Variants in PPFIA2 observed in about 807,000 individuals in gnomAD.
The protein encoded by PPFIA2 is liprin-alpha-2.
Under a neutral mutation model 175.5 loss-of-function variants are expected in PPFIA2, and 46 were observed. The ratio of observed to expected loss-of-function variants is 0.26; its 90% confidence interval spans 0.21 to 0.34. PPFIA2 has a LOEUF of 0.34. Among genes scored for constraint, PPFIA2 ranks in the 10% least tolerant of loss-of-function variants. PPFIA2 has a pLI of 1.00. For missense variants in PPFIA2, 1,179 were observed against 1,506.1 expected, an observed-to-expected ratio of 0.78 and a Z score of 3.60; for synonymous variants, 568 against 511.4, an observed-to-expected ratio of 1.11 and a Z score of -1.49.
chr12:81,288,222 G>A (rs771249606), intron 24 of PPFIA2, among the ~76,000 whole-genome samples: 4 of 151,752 alleles, frequency 2.6e-5, no homozygotes, highest in Non-Finnish European at 5.9e-5. Flanking sequence ...ACACTAAAAA[G>A]TTTACATTAT....
rs913870499 is a variant in PPFIA2 at position 81,615,237 on chromosome 12, A to G, written c.303+61554T>C. Among the ~76,000 whole-genome samples the G allele has an allele frequency of 4.6e-5, 7 of 152,218 alleles. No homozygotes were observed. The East Asian group carries it at 1.3e-3, about 29-fold the overall frequency. On this transcript the variant is annotated intron_variant, in intron 4 of 32. Coordinates refer to ENST00000549396, the MANE Select transcript of PPFIA2 (RefSeq NM_003625.5). Reference sequence around the variant, plus strand: ...TTGGCCTATGCAATGCAAGGATAAAATAACTGAGATGGGGAAGGCTGCAGG... The same window carrying G: ...TTGGCCTATGCAATGCAAGGATAAAGTAACTGAGATGGGGAAGGCTGCAGG...
intron 24 of PPFIA2, among the ~76,000 whole-genome samples, chr12:81,293,688 G>A (rs1392738937): frequency 1.3e-5 from 2 of 151,872 alleles, no homozygotes; most frequent in Non-Finnish European, 2.9e-5. Context: ...ATACACTGTT[G>A]GTGGGAATGT....
At chr12:81,738,895 A>T (rs753807828) in intron 3 of PPFIA2, among the ~76,000 whole-genome samples, 52 of 151,926 alleles carry the variant, frequency 3.4e-4, no homozygotes, top group Non-Finnish European at 2.9e-4. Context: ...AATGGCACAC[A>T]ATGCAAACAT....
Position 81,642,720 on chromosome 12 carries a change from T to TATATTAC in PPFIA2, c.303+34070_303+34071insGTAATAT, listed in dbSNP as rs2065297774. ...TACATGTATATGTATGTATGTATTA[T>TATATTAC]ATACATACATGTATATGTATGTATG... is the stretch of plus-strand genomic sequence containing the variant. On this transcript the variant is annotated intron_variant, in intron 4 of 32. Transcript: ENST00000549396. 1.8e-5 allele frequency among the ~76,000 whole-genome samples: 2 copies of TATATTAC among 112,340 alleles called. 1 individual carries two copies. Among genetic ancestry groups the TATATTAC allele is most frequent in the African/African-American group, 6.6e-5 (2 of 30,122 alleles). 73.7% of individuals were successfully genotyped at this position (112,340 alleles called of 152,430 possible).
At chr12:81,711,587 CA>C (rs1311777646) in intron 3 of PPFIA2, among the ~76,000 whole-genome samples, 1 of 151,274 alleles carries the variant, frequency 6.6e-6, no homozygotes, top group Non-Finnish European at 1.5e-5. Context: ...TGGTGGTGGG[CA>C]ATTCTACACT....
intron 4 of PPFIA2, among the ~76,000 whole-genome samples, chr12:81,524,209 C>A (rs1022137319): frequency 6.6e-6 from 1 of 152,158 alleles, no homozygotes; most frequent in Non-Finnish European, 1.5e-5. Flanking sequence ...GTTGGTTCTA[C>A]CCTCAAGACC....
intron 17 of PPFIA2, among the ~76,000 whole-genome samples, chr12:81,352,448 C>A (rs1373102691): frequency 6.6e-6 from 1 of 151,446 alleles, no homozygotes; most frequent in Non-Finnish European, 1.5e-5. Flanking sequence ...CTCTCTCTCC[C>A]CCCACTGTCT....
intron 3 of PPFIA2, among the ~76,000 whole-genome samples, chr12:81,689,210 T>G (rs965329042): frequency 2.0e-5 from 3 of 152,022 alleles, no homozygotes; most frequent in Admixed American, 2.0e-4. Flanking sequence ...CTAAGAAACA[T>G]GCAGAAAAAT....
At chr12:81,440,540 C>A (rs1299047791) in intron 6 of PPFIA2, among the ~76,000 whole-genome samples, 1 of 151,870 alleles carries the variant, frequency 6.6e-6, no homozygotes, top group Non-Finnish European at 1.5e-5. Context: ...GAAAAATGTT[C>A]TTCGCTTCTC....
Position 81,642,733 on chromosome 12 carries a change from A to ATG in PPFIA2, c.303+34057_303+34058insCA, listed in dbSNP as rs1555549557. Among the ~76,000 whole-genome samples, 16 of 8,120 alleles carry ATG rather than the reference A, an allele frequency of 2.0e-3. 4 individuals carry two copies. Among genetic ancestry groups the ATG allele is most frequent in the Non-Finnish European group, 4.1e-3 (14 of 3,418 alleles). The allele number at this position is 8,120 out of a possible 152,430, so 5.3% of individuals were successfully genotyped here. Reference sequence around the variant, plus strand: ...ATGTATGTATTATATACATACATGTATATGTATGTATGTATTATATACATA... The same window carrying ATG: ...ATGTATGTATTATATACATACATGTATGTATGTATGTATGTATTATATACATA... On this transcript the variant is annotated intron_variant, in intron 4 of 32. Coordinates refer to ENST00000549396, the MANE Select transcript of PPFIA2 (RefSeq NM_003625.5).
intron 4 of PPFIA2, among the ~76,000 whole-genome samples, chr12:81,497,530 CTTT>C (rs34030284): frequency 1.8e-3 from 119 of 66,190 alleles, no homozygotes; most frequent in Non-Finnish European, 2.6e-3. Context: ...TCATTGATGT[CTTT>C]TTTTTTTTTT....
chr12:81,279,453 T>C (rs1226778212), intron 27 of PPFIA2: 4 of 152,152 alleles, frequency 2.6e-5, no homozygotes, highest in Admixed American at 6.5e-5. Context: ...CCAATGCTTC[T>C]TGGTCAGTTT....
intron 7 of PPFIA2, among the ~76,000 whole-genome samples, chr12:81,410,832 CTGG>C (rs2043821307): frequency 6.6e-6 from 1 of 152,010 alleles, no homozygotes; most frequent in South Asian, 2.1e-4. Context: ...GGAAGGTAAG[CTGG>C]TAGAATATGA....
At chr12:81,679,823 T>A (rs1194557139) in intron 3 of PPFIA2, among the ~76,000 whole-genome samples, 1 of 151,924 alleles carries the variant, frequency 6.6e-6, no homozygotes, top group Non-Finnish European at 1.5e-5. Context: ...GCAAAAGGAA[T>A]TTTCTCAGGT....
chr12:81,528,088 C>T (rs1238741934), intron 4 of PPFIA2, among the ~76,000 whole-genome samples: 5 of 151,986 alleles, frequency 3.3e-5, no homozygotes, highest in Non-Finnish European at 7.4e-5. Context: ...TTTATTTATT[C>T]TATTAACCTC....
intron 7 of PPFIA2, among the ~76,000 whole-genome samples, chr12:81,414,551 T>C (rs1420380680): frequency 6.6e-6 from 1 of 151,700 alleles, no homozygotes; most frequent in African/African-American, 2.4e-5. Context: ...TTAATATTTG[T>C]CTCTACTTAT....
intron 4 of PPFIA2, among the ~76,000 whole-genome samples, chr12:81,522,365 T>C (rs1463882710): frequency 6.6e-6 from 1 of 152,300 alleles, no homozygotes; most frequent in East Asian, 1.9e-4. Flanking sequence ...CAACTACATA[T>C]GTCTTGCATG....
At chr12:81,466,706 C>A (rs78398024) in intron 4 of PPFIA2, among the ~76,000 whole-genome samples, 3,452 of 151,784 alleles carry the variant, frequency 0.023, 71 homozygotes, top group East Asian at 0.076. Flanking sequence ...GTTTTTAAAT[C>A]CTGGAGAGGT....
At chr12:81,500,207 C>CA (rs1202743813) in intron 4 of PPFIA2, among the ~76,000 whole-genome samples, 1 of 151,974 alleles carries the variant, frequency 6.6e-6, no homozygotes, top group Non-Finnish European at 1.5e-5. Context: ...ATAAGACACA[C>CA]AAAAAAACTG....
Sources: gnomAD v4.1 joint callset for allele counts (sites outside exome capture counted in the v4.1 genomes callset) on GRCh38, gnomAD v4.1.1 for gene constraint, MANE v1.5 for transcripts, NCBI Gene and HGNC (gene_info 2026-07-23, HGNC 2026-07-21) for gene names.